XPA: variants seen among roughly 807,000 people sequenced by gnomAD.
XPA encodes XPA, DNA damage recognition and repair factor.
Under a neutral mutation model 35.7 loss-of-function variants are expected in XPA, and 27 were observed. The ratio of observed to expected loss-of-function variants is 0.76; its 90% CI spans 0.56 to 1.04. XPA has a LOEUF of 1.04. Ranked by LOEUF, XPA falls within the 50% of genes least tolerant of loss-of-function variation. The pLI is 0.00. For missense variants in XPA, 354 were observed against 342.7 expected (o/e 1.03, Z -0.26); for synonymous variants, 133 against 118.4 (o/e 1.12, Z -0.80).
At chr9:97,690,733 G>A (rs1828861448) in intron 2 of XPA, among the ~76,000 whole-genome samples, 1 of 152,204 alleles carries the variant, frequency 6.6e-6, no homozygotes, top group South Asian at 2.1e-4. Flanking sequence ...ATGTTGGCCA[G>A]GTTGGTCTTG....
downstream of XPA, chr9:97,671,047 T>C: frequency 7.2e-7 from 1 of 1,384,378 alleles, no homozygotes; most frequent in Non-Finnish European, 1.0e-6. Context: ...GCTTATATGC[T>C]TTTTCCTGAC....
chr9:97,668,857 T>C, the XPA span: 32 of 1,611,496 alleles, frequency 2.0e-5, no homozygotes, highest in East Asian at 8.9e-5. Context: ...GAAGTGATGA[T>C]GACGACAGAA....
At chr9:97,680,575 C>A (rs1288605202) in intron 5 of XPA, among the ~76,000 whole-genome samples, 1 of 152,140 alleles carries the variant, frequency 6.6e-6, no homozygotes, top group East Asian at 1.9e-4. Flanking sequence ...ATAAGAATCA[C>A]AATGTCTGCA....
At chr9:97,670,193 T>TAATAA (rs1172053170), downstream of XPA, 1 of 215,040 alleles carries the variant, frequency 4.7e-6, no homozygotes, top group Non-Finnish European at 9.6e-6. Context: ...GCTGGGATTA[T>TAATAA]AGGCGTGAGC....
At chr9:97,660,956 T>G in the XPA span, 1 of 1,611,036 alleles carries the variant, frequency 6.2e-7, no homozygotes, top group Non-Finnish European at 8.5e-7. Flanking sequence ...ATTCTCTTCC[T>G]GGACATTCTG....
At chr9:97,658,519 C>T in the XPA span, 5 of 719,946 alleles carry the variant, frequency 6.9e-6, no homozygotes, top group Admixed American at 5.1e-5. Context: ...TTTTCCCTTT[C>T]ACTTCTTGGT....
chr9:97,679,912 C>A (rs3176721), intron 5 of XPA, among the ~76,000 whole-genome samples: 2,128 of 152,240 alleles, frequency 0.014, 101 homozygotes, highest in East Asian at 0.13. Context: ...AACATTCGAC[C>A]TGAGTCTAAC....
intron 5 of XPA, among the ~76,000 whole-genome samples, chr9:97,678,751 T>C (rs1828448723): frequency 6.6e-6 from 1 of 152,088 alleles, no homozygotes; most frequent in Non-Finnish European, 1.5e-5. Context: ...AAATCAGAAT[T>C]ACCACTGAGG....
chr9:97,666,672 G>C, the XPA span: 1 of 779,950 alleles, frequency 1.3e-6, no homozygotes, highest in Non-Finnish European at 2.0e-6. Flanking sequence ...GGCTGTATCA[G>C]CTGTTAAGAA....
chr9:97,665,944 G>A, the XPA span, among the ~76,000 whole-genome samples: 3 of 152,198 alleles, frequency 2.0e-5, no homozygotes, highest in Admixed American at 6.5e-5. Context: ...TGAAGTGAGA[G>A]TGGATCATCA....
At chr9:97,667,410 TAGA>T in the XPA span, among the ~76,000 whole-genome samples, 3 of 152,124 alleles carry the variant, frequency 2.0e-5, no homozygotes, top group Admixed American at 6.5e-5. Context: ...TTTACCATAG[TAGA>T]AGGTGAAAAA....
In XPA at chr9:97,697,221, C is replaced by G; in HGVS notation, c.72G>C (p.Val24=). The part of the protein sequence containing the change: ...LEQPAELPAS[V]RASIERKRQR... ...GCCGCTTCCGCTCGATACTCGCCCG[C>G]ACCGAGGCAGGCAGCTCCGCGGGTT... The change falls in exon 1 of 6, where the codon GTG becomes GTC. Residue 24 remains valine, a synonymous_variant. Coordinates refer to ENST00000375128, the MANE Select transcript of XPA (RefSeq NM_000380.4). 1 of 1,601,524 alleles carries G rather than the reference C, an allele frequency of 6.2e-7. No individual in the cohort carries two copies.
intron 5 of XPA, among the ~76,000 whole-genome samples, chr9:97,680,505 C>A (rs904361223): frequency 2.6e-5 from 4 of 152,248 alleles, no homozygotes; most frequent in African/African-American, 9.6e-5. Context: ...GGATTACAGG[C>A]ATAAGCCACT....
At chr9:97,669,883 T>G in the XPA span, 1 of 674,120 alleles carries the variant, frequency 1.5e-6, no homozygotes, top group Non-Finnish European at 2.7e-6. Context: ...ACTGATTCTG[T>G]ACCACTTAGA....
chr9:97,681,298 G>C (rs1202581717), intron 5 of XPA, among the ~76,000 whole-genome samples: 2 of 151,996 alleles, frequency 1.3e-5, no homozygotes, highest in Non-Finnish European at 2.9e-5. Context: ...GTTAACAGGA[G>C]GAAAAAAAAT....
At chr9:97,669,559 TGTA>T in the XPA span, 1 of 1,431,876 alleles carries the variant, frequency 7.0e-7, no homozygotes, top group Non-Finnish European at 9.9e-7. Flanking sequence ...AGATTCTGTC[TGTA>T]GTACTACCTT....
At chr9:97,661,897 G>C in the XPA span, 21 of 483,522 alleles carry the variant, frequency 4.3e-5, no homozygotes, top group Non-Finnish European at 7.6e-5. Flanking sequence ...AATCAGTGAC[G>C]GTCTTTTATT....
chr9:97,685,768 A>G (rs1828697893), intron 4 of XPA, among the ~76,000 whole-genome samples: 2 of 152,330 alleles, frequency 1.3e-5, no homozygotes, highest in South Asian at 2.1e-4. Context: ...GTTTTCCGCA[A>G]TTTAACATCC....
At chr9:97,656,143 T>C in the XPA span, 2 of 1,347,864 alleles carry the variant, frequency 1.5e-6, no homozygotes. Context: ...TTCTCTTCTC[T>C]GCACTTGTGA....
Sources: allele counts gnomAD v4.1 joint callset (sites outside exome capture counted in the v4.1 genomes callset), GRCh38; gene constraint gnomAD v4.1.1; transcripts MANE v1.5; gene names NCBI Gene and HGNC (gene_info 2026-07-23, HGNC 2026-07-21).